Variants in NRG3 observed in about 807,000 individuals in gnomAD.
NRG3 encodes the protein pro-neuregulin-3, membrane-bound isoform.
A neutral mutation model predicts 66.9 loss-of-function variants in NRG3; 31 were observed. The observed-to-expected ratio is 0.46, with a 90% confidence interval of 0.35 to 0.63. The LOEUF (loss-of-function observed/expected upper bound fraction) is 0.63. Ranked by LOEUF, NRG3 falls within the 20% of genes least tolerant of loss-of-function variation. The probability of loss-of-function intolerance (pLI) is 0.00; values close to 1 mark genes in which losing one functional copy is unlikely to be tolerated. For missense variants in NRG3, 910 were observed against 878.9 expected (o/e 1.04, Z -0.45); for synonymous variants, 393 against 359.4 (o/e 1.09, Z -1.06).
intron 1 of NRG3, among the ~76,000 whole-genome samples, chr10:81,905,150 T>A (rs761175054): frequency 1.2e-4 from 18 of 152,336 alleles, no homozygotes; most frequent in Non-Finnish European, 2.2e-4. Flanking sequence ...GGATCCATGG[T>A]TCATGAGTCC....
At chr10:82,028,109 A>G (rs974402822) in intron 1 of NRG3, among the ~76,000 whole-genome samples, 3 of 152,138 alleles carry the variant, frequency 2.0e-5, no homozygotes, top group African/African-American at 7.2e-5. Flanking sequence ...GAAGAGTAGT[A>G]AGTGAAATTC....
At chr10:82,510,504 C>T (rs559918333) in intron 2 of NRG3, among the ~76,000 whole-genome samples, 19 of 152,280 alleles carry the variant, frequency 1.2e-4, no homozygotes, top group African/African-American at 4.3e-4. Flanking sequence ...ATGATATTCC[C>T]AGATGGTACT....
intron 2 of NRG3, among the ~76,000 whole-genome samples, chr10:82,401,566 T>G (rs568337028): frequency 6.6e-6 from 1 of 152,106 alleles, no homozygotes; most frequent in African/African-American, 2.4e-5. Context: ...TTCCCTTCTC[T>G]TACATGAGGG....
At chr10:82,184,663 T>C (rs2073683300) in intron 1 of NRG3, among the ~76,000 whole-genome samples, 1 of 152,162 alleles carries the variant, frequency 6.6e-6, no homozygotes, top group Non-Finnish European at 1.5e-5. Flanking sequence ...TCCTCGGGGA[T>C]ATAATAAATA....
intron 4 of NRG3, among the ~76,000 whole-genome samples, chr10:82,923,188 A>G (rs1159832866): frequency 6.6e-6 from 1 of 152,144 alleles, no homozygotes; most frequent in Non-Finnish European, 1.5e-5. Flanking sequence ...AATGACTTTA[A>G]GTTTCTTTAA....
intron 1 of NRG3, among the ~76,000 whole-genome samples, chr10:82,014,715 G>T (rs1336632444): frequency 3.9e-5 from 6 of 152,172 alleles, no homozygotes; most frequent in Admixed American, 3.9e-4. Context: ...CAGAGGCAGG[G>T]TGAAGGTGCT....
In NRG3 at chr10:82,476,165, T is replaced by G. The variant is rs1257194284; in HGVS notation, c.953+117297T>G. Among the ~76,000 whole-genome samples, 5 of 152,234 alleles carry G rather than the reference T, an allele frequency of 3.3e-5. No individual in the cohort carries two copies. In the East Asian group the frequency reaches 9.7e-4, roughly 29 times the overall value. ...CCCTCACAGTCATGAGGATGGCTAATATGAAAAACAAAGCAAAACAGACAA... is the reference window on the plus strand; with the variant it reads ...CCCTCACAGTCATGAGGATGGCTAAGATGAAAAACAAAGCAAAACAGACAA... On this transcript the variant is annotated intron_variant, in intron 2 of 8. Transcript: ENST00000372141.
chr10:82,138,304 A>G (rs2069513713), intron 1 of NRG3, among the ~76,000 whole-genome samples: 1 of 152,162 alleles, frequency 6.6e-6, no homozygotes, highest in South Asian at 2.1e-4. Context: ...AAAATGCCCA[A>G]AGGTAGGATA....
At chr10:82,282,876 C>T (rs1157724692) in intron 1 of NRG3, among the ~76,000 whole-genome samples, 3 of 152,040 alleles carry the variant, frequency 2.0e-5, no homozygotes, top group Non-Finnish European at 4.4e-5. Context: ...TCCCAGGTGA[C>T]TTCTGCAAGA....
chr10:82,190,615 C>T lies in NRG3; in HGVS notation c.824-168124C>T, dbSNP rs539345684. Among the ~76,000 whole-genome samples, 4 of 152,274 alleles carry T rather than the reference C, an allele frequency of 2.6e-5. No homozygotes were observed. In the East Asian group the frequency reaches 7.7e-4, roughly 29 times the overall value. ...TGGGAGATAGTGGTTTCACTGTTCA[C>T]AGACAAGCTTTCCCACTGGCTCTGT... On this transcript the variant is annotated intron_variant, in intron 1 of 8. Transcript: ENST00000372141.
At chr10:82,695,815 A>G (rs1287218790) in intron 2 of NRG3, among the ~76,000 whole-genome samples, 2 of 152,106 alleles carry the variant, frequency 1.3e-5, no homozygotes, top group African/African-American at 2.4e-5. Flanking sequence ...TATTTTATCT[A>G]GGGAATGACA....
chr10:82,472,751 A>T (rs972968690), intron 2 of NRG3, among the ~76,000 whole-genome samples: 1 of 152,220 alleles, frequency 6.6e-6, no homozygotes, highest in Admixed American at 6.5e-5. Context: ...AGTGTCCTAC[A>T]GTCTTTTACT....
intron 1 of NRG3, among the ~76,000 whole-genome samples, chr10:82,044,421 T>C (rs562269804): frequency 2.2e-4 from 33 of 151,774 alleles, no homozygotes; most frequent in African/African-American, 8.0e-4. Context: ...AAAACTAACA[T>C]GCACATCTAA....
intron 1 of NRG3, among the ~76,000 whole-genome samples, chr10:82,107,813 G>A (rs1308897598): frequency 2.6e-5 from 4 of 152,162 alleles, no homozygotes; most frequent in Admixed American, 6.5e-5. Flanking sequence ...AAAGAAAAAT[G>A]TATGTTTAAA....
intron 1 of NRG3, among the ~76,000 whole-genome samples, chr10:82,279,018 C>T (rs762785964): frequency 2.0e-5 from 3 of 152,098 alleles, no homozygotes; most frequent in Admixed American, 6.6e-5. Context: ...ATTTCTTCAA[C>T]GTTTGCTTCC....
chr10:82,250,241 G>C (rs1017764977), intron 1 of NRG3, among the ~76,000 whole-genome samples: 2 of 152,056 alleles, frequency 1.3e-5, no homozygotes, highest in African/African-American at 2.4e-5. Context: ...CAATATGGAA[G>C]GTTTTTAAAA....
intron 1 of NRG3, among the ~76,000 whole-genome samples, chr10:82,231,398 A>G (rs1248662763): frequency 1.3e-5 from 2 of 152,158 alleles, no homozygotes; most frequent in Admixed American, 1.3e-4. Flanking sequence ...AAAGGTAACA[A>G]AAAAGGTAAT....
intron 2 of NRG3, among the ~76,000 whole-genome samples, chr10:82,381,255 T>A (rs1429765000): frequency 1.3e-5 from 2 of 152,154 alleles, no homozygotes; most frequent in Non-Finnish European, 2.9e-5. Flanking sequence ...GTAATGGTGA[T>A]GTTAATGATG....
chr10:82,568,573 A>C (rs2045552818), intron 2 of NRG3, among the ~76,000 whole-genome samples: 3 of 151,826 alleles, frequency 2.0e-5, no homozygotes, highest in Non-Finnish European at 4.4e-5. Flanking sequence ...TTTCATGGTC[A>C]TCCCATCATT....
Sources: gnomAD v4.1 joint callset for allele counts (sites outside exome capture counted in the v4.1 genomes callset) on GRCh38, gnomAD v4.1.1 for gene constraint, MANE v1.5 for transcripts, NCBI Gene and HGNC (gene_info 2026-07-23, HGNC 2026-07-21) for gene names.